Variants in AKAP9 observed in about 807,000 individuals in gnomAD.
AKAP9 encodes the protein A-kinase anchoring protein 9.
Under a neutral mutation model 488.5 loss-of-function variants are expected in AKAP9, and 311 were observed. The observed-to-expected ratio is 0.64, with a 90% CI of 0.58 to 0.70. The LOEUF is 0.70. Among genes scored for constraint, AKAP9 ranks in the 30% least tolerant of loss-of-function variants. The pLI is 0.00. For synonymous variants in AKAP9, 1,462 were observed against 1,483.5 expected (o/e 0.99, Z 0.33); for missense variants, 4,215 against 4,374.5 (o/e 0.96, Z 1.03).
In AKAP9 at chr7:91,959,477, AT is replaced by A. The variant is rs1336747114; in HGVS notation, c.49-14231del. 8.7e-4 allele frequency among the ~76,000 whole-genome samples: 118 copies of A among 135,368 alleles called. 1 individual carries two copies. Among genetic ancestry groups the A allele is most frequent in the African/African-American group, 3.0e-3 (108 of 35,700 alleles). The allele number at this position is 135,368 out of a possible 152,430, so 88.8% of individuals were successfully genotyped here. A position where few individuals can be genotyped will look rare whatever the true frequency, so the allele number is the denominator to read the frequency against. On this transcript the variant is annotated intron_variant, in intron 1 of 49. Coordinates refer to ENST00000356239, the MANE Select transcript of AKAP9 (RefSeq NM_005751.5). ...CTGGCTAATTTAAAAAAAAAAAAAAATTTACTTTTTTAAGAGATGGATCTTG... is the reference window on the plus strand; with the variant it reads ...CTGGCTAATTTAAAAAAAAAAAAAAATTACTTTTTTAAGAGATGGATCTTG...
intron 45 of AKAP9, among the ~76,000 whole-genome samples, chr7:92,102,373 T>C (rs1219584767): frequency 6.6e-6 from 1 of 151,214 alleles, no homozygotes; most frequent in Non-Finnish European, 1.5e-5. Context: ...GGCAAAAGTG[T>C]AAAGGTTAAT....
intron 14 of AKAP9, among the ~76,000 whole-genome samples, chr7:92,025,123 A>C (rs917374598): frequency 6.6e-6 from 1 of 152,226 alleles, no homozygotes; most frequent in Non-Finnish European, 1.5e-5. Context: ...CCATAGATTG[A>C]CATTTGGAAA....
chr7:92,094,871 T>C, intron 39 of AKAP9, 152 bp from the exon 40 acceptor site: 1 of 673,936 alleles, frequency 1.5e-6, no homozygotes, highest in South Asian at 1.8e-5. Flanking sequence ...TAATTTGAAA[T>C]GAACCCCAGT....
At chr7:92,063,669 A>G (rs1021768075) in intron 24 of AKAP9, among the ~76,000 whole-genome samples, 3 of 152,168 alleles carry the variant, frequency 2.0e-5, no homozygotes, top group East Asian at 1.9e-4. Flanking sequence ...TTCTTACAAT[A>G]AAAGTACAAA....
chr7:91,970,274 C>G (rs1020811634), intron 1 of AKAP9, among the ~76,000 whole-genome samples: 10 of 151,950 alleles, frequency 6.6e-5, no homozygotes, highest in Admixed American at 5.9e-4. Flanking sequence ...TTTATATTGC[C>G]TATTTCTTGA....
chr7:91,964,453 G>C (rs1794169196), intron 1 of AKAP9, among the ~76,000 whole-genome samples: 1 of 151,996 alleles, frequency 6.6e-6, no homozygotes, highest in Non-Finnish European at 1.5e-5. Flanking sequence ...TGATATTTTA[G>C]GTCTATCCTG....
chr7:92,096,030 A>AT (rs1282018631), intron 40 of AKAP9, among the ~76,000 whole-genome samples: 1 of 152,172 alleles, frequency 6.6e-6, no homozygotes, highest in African/African-American at 2.4e-5. Flanking sequence ...AGGAACATTT[A>AT]TTTTTTAAAC....
chr7:92,014,312 G>C lies in AKAP9; in HGVS notation c.3596G>C (p.Cys1199Ser). 1 of 1,612,202 alleles carries C rather than the reference G, an allele frequency of 6.2e-7. No homozygotes were observed. Among genetic ancestry groups the C allele is most frequent in the Non-Finnish European group, 8.5e-7 (1 of 1,178,602 alleles). The change falls in exon 10 of 50, where the codon TGT (cysteine) becomes TCT (serine). Residue 1199 changes from cysteine to serine, a missense_variant. By Grantham distance (112) the Cys-to-Ser change is moderately radical. Around this residue, in one of 5 missense-constraint regions of AKAP9, gnomAD observed 2,361 missense variants for 2,430.0 expected, o/e 0.97. Transcript: ENST00000356239. ...CTTCAAAAGGCAGTGTCTGAAGAAT[G>C]TTCTTATTTTTTACAGGTAAAATGT... Reference protein sequence around the residue: ...GKLQKAVSEECSYFLQTLCSV... With the variant: ...GKLQKAVSEESSYFLQTLCSV...
At chr7:92,028,217 G>A (rs1803631159) in intron 14 of AKAP9, among the ~76,000 whole-genome samples, 1 of 144,822 alleles carries the variant, frequency 6.9e-6, no homozygotes, top group Admixed American at 7.3e-5. Context: ...TTTATCTGCT[G>A]ACCTTCTCTC....
chr7:91,952,705 G>A (rs1209337010), intron 1 of AKAP9, among the ~76,000 whole-genome samples: 3 of 152,150 alleles, frequency 2.0e-5, no homozygotes, highest in African/African-American at 7.2e-5. Context: ...AGCAAGATGT[G>A]GCAAGAAATG....
At chr7:92,069,705 T>C (rs894663067) in intron 26 of AKAP9, among the ~76,000 whole-genome samples, 5 of 152,166 alleles carry the variant, frequency 3.3e-5, no homozygotes, top group Non-Finnish European at 5.9e-5. Flanking sequence ...TTGAGCATGA[T>C]GTCAGTGCTT....
At position 91,944,940 on chromosome 7, in the gene AKAP9, G is replaced by A. The variant is rs188017806; in HGVS notation, c.48+3793G>A. Among the ~76,000 whole-genome samples the A allele has an allele frequency of 2.2e-4, 34 of 152,170 alleles. No individual in the cohort carries two copies. In the East Asian group the frequency reaches 6.2e-3, roughly 28 times the overall value. On this transcript the variant is annotated intron_variant, in intron 1 of 49. Coordinates refer to ENST00000356239, the MANE Select transcript of AKAP9 (RefSeq NM_005751.5). ...CTTATTCTTTCCTTGCTGTTAGTTC[G>A]TATTGCTATGGGCATGCTCTTACTC...
chr7:92,108,236 C>G (rs1240214312), intron 48 of AKAP9, among the ~76,000 whole-genome samples: 1 of 152,122 alleles, frequency 6.6e-6, no homozygotes, highest in Admixed American at 6.6e-5. Context: ...TGACAAGATA[C>G]ATTTATACAT....
chr7:92,042,837 T>C, intron 20 of AKAP9, 66 bp downstream of exon 20: 1 of 1,095,016 alleles, frequency 9.1e-7, no homozygotes, highest in South Asian at 1.3e-5. Context: ...GTAATAGACT[T>C]TGTCCTTATT....
intron 28 of AKAP9, among the ~76,000 whole-genome samples, chr7:92,075,848 GGTT>G (rs1393139665): frequency 6.6e-6 from 1 of 152,210 alleles, no homozygotes. Context: ...GTTCAGATAT[GGTT>G]CTCAGTATGT....
intron 40 of AKAP9, among the ~76,000 whole-genome samples, chr7:92,095,895 A>G (rs1353733442): frequency 6.6e-6 from 1 of 152,214 alleles, no homozygotes. Flanking sequence ...TTTTTTAACC[A>G]TTAAAAGTTT....
At chr7:92,023,068 A>G (rs1477477768) in intron 14 of AKAP9, 59 bp downstream of exon 14, 7 of 1,532,790 alleles carry the variant, frequency 4.6e-6, no homozygotes, top group African/African-American at 4.1e-5. Flanking sequence ...CAATTATAGT[A>G]TCATCCAGAA....
chr7:92,062,784 A>G (rs1010897845), intron 24 of AKAP9, among the ~76,000 whole-genome samples: 1 of 152,156 alleles, frequency 6.6e-6, no homozygotes, highest in African/African-American at 2.4e-5. Context: ...TATTTTAAAA[A>G]TTGTGTAAGG....
rs755614570 is a variant in AKAP9, at chr7:92,097,294, G to C, written c.10335G>C (p.Lys3445Asn). The C allele has an allele frequency of 1.2e-6, 2 of 1,613,856 alleles. No individual in the cohort carries two copies. Among genetic ancestry groups the C allele is most frequent in the African/African-American group, 2.7e-5 (2 of 75,052 alleles). ...AAGGAATCATGCAGGAATTCCAGAA[G>C]CAAGAACTAGAACGAGAAGAAAAAC... Reference protein sequence around the residue: ...RLQGIMQEFQKQELEREEKRE... With the variant: ...RLQGIMQEFQNQELEREEKRE... The change falls in exon 41 of 50, where the codon AAG (lysine) becomes AAC (asparagine). Residue 3445 changes from lysine (K) to asparagine (N), a missense_variant. Lys to Asn is a moderately conservative substitution (Grantham distance 94, BLOSUM62 0). This residue lies in a region of AKAP9 where 1,476 missense variants were observed against 1,477.4 expected (regional missense o/e 1.00). Transcript: ENST00000356239.
Sources: gnomAD v4.1 joint callset for allele counts (sites outside exome capture counted in the v4.1 genomes callset) on GRCh38, gnomAD v4.1.1 for gene constraint, gnomAD v4.1.1 regional missense constraint, MANE v1.5 for transcripts, NCBI Gene and HGNC (gene_info 2026-07-23, HGNC 2026-07-21) for gene names.